Variants in PLPPR5 observed in about 807,000 individuals in gnomAD.
PLPPR5 encodes the protein phospholipid phosphatase related 5, also known as phospholipid phosphatase-related protein type 5.
PLPPR5 carries 16 observed loss-of-function variants against 33.9 expected under a neutral mutation model. The observed-to-expected ratio is 0.47, with a 90% CI of 0.32 to 0.72. The LOEUF is 0.72. Ranked by LOEUF, PLPPR5 falls within the 30% of genes least tolerant of loss-of-function variation. PLPPR5 has a pLI of 0.03. For synonymous variants in PLPPR5, 163 were observed against 150.3 expected, an observed-to-expected ratio of 1.08 and a Z score of -0.62; for missense variants, 301 against 406.7, an observed-to-expected ratio of 0.74 and a Z score of 2.23.
chr1:98,978,722 C>T (rs1250095800), intron 1 of PLPPR5, among the ~76,000 whole-genome samples: 2 of 151,976 alleles, frequency 1.3e-5, no homozygotes, highest in African/African-American at 4.8e-5. Flanking sequence ...ATTAAATCAG[C>T]TCCCCCCACC....
chr1:98,923,768 G>C (rs888583599), intron 3 of PLPPR5, among the ~76,000 whole-genome samples: 1 of 152,130 alleles, frequency 6.6e-6, no homozygotes, highest in African/African-American at 2.4e-5. Flanking sequence ...AGTTATGGAG[G>C]GTAAGTATAC....
chr1:98,992,025 G>A (rs1361739647), intron 1 of PLPPR5, among the ~76,000 whole-genome samples: 1 of 152,130 alleles, frequency 6.6e-6, no homozygotes. Flanking sequence ...TTTATCTTAT[G>A]CAGAATATAT....
chr1:98,979,961 A>G (rs189570590), intron 1 of PLPPR5, among the ~76,000 whole-genome samples: 1 of 152,094 alleles, frequency 6.6e-6, no homozygotes, highest in African/African-American at 2.4e-5. Flanking sequence ...GTGACCCTCT[A>G]TTAGAGCTAT....
At chr1:99,003,588 T>A (rs7538595) in intron 1 of PLPPR5, among the ~76,000 whole-genome samples, 1 of 152,112 alleles carries the variant, frequency 6.6e-6, no homozygotes, top group Non-Finnish European at 1.5e-5. Flanking sequence ...TATAATAAAA[T>A]TAATATTATT....
At chr1:98,959,863 AAC>A (rs984093381) in intron 1 of PLPPR5, among the ~76,000 whole-genome samples, 35 of 152,176 alleles carry the variant, frequency 2.3e-4, no homozygotes, top group Non-Finnish European at 4.6e-4. Flanking sequence ...GTAGTTTTCA[AAC>A]AGAGAGTTGC....
chr1:98,956,205 G>A (rs1228929250), intron 2 of PLPPR5, among the ~76,000 whole-genome samples: 3 of 152,036 alleles, frequency 2.0e-5, no homozygotes, highest in South Asian at 2.1e-4. Context: ...CAGTAATCAC[G>A]TAATTTTTGG....
At chr1:98,896,111 C>A (rs1202793151) in intron 5 of PLPPR5, among the ~76,000 whole-genome samples, 1 of 151,684 alleles carries the variant, frequency 6.6e-6, no homozygotes, top group Non-Finnish European at 1.5e-5. Context: ...ACTTGAGGTC[C>A]TTTTATAAGA....
At chr1:98,969,815 T>C (rs1441863526) in intron 1 of PLPPR5, among the ~76,000 whole-genome samples, 1 of 152,002 alleles carries the variant, frequency 6.6e-6, no homozygotes, top group Non-Finnish European at 1.5e-5. Flanking sequence ...CCAAAGTACA[T>C]GTTTCTGTTG....
intron 1 of PLPPR5, among the ~76,000 whole-genome samples, chr1:98,982,146 ACT>A (rs1652082301): frequency 6.6e-6 from 1 of 152,040 alleles, no homozygotes. Context: ...TCATTTAGAA[ACT>A]CTGCCAGCTA....
chr1:98,917,434 T>C (rs1649398582), intron 4 of PLPPR5, among the ~76,000 whole-genome samples: 1 of 152,220 alleles, frequency 6.6e-6, no homozygotes, highest in Non-Finnish European at 1.5e-5. Flanking sequence ...GTGAGAATGA[T>C]CTTTCCAAAT....
chr1:99,003,981 G>C (rs1388399963), intron 1 of PLPPR5, among the ~76,000 whole-genome samples: 3 of 152,196 alleles, frequency 2.0e-5, no homozygotes, highest in African/African-American at 7.2e-5. Context: ...CGGGAAGTGG[G>C]AGTCCCTTTC....
chr1:98,966,166 T>G (rs1373536161), intron 1 of PLPPR5, among the ~76,000 whole-genome samples: 4 of 152,228 alleles, frequency 2.6e-5, no homozygotes, highest in Non-Finnish European at 5.9e-5. Context: ...TTTTTTGTAT[T>G]TATTTTATGG....
At chr1:98,936,974 A>G (rs1650187538) in intron 3 of PLPPR5, among the ~76,000 whole-genome samples, 3 of 152,230 alleles carry the variant, frequency 2.0e-5, no homozygotes. Flanking sequence ...TGTGACAGCT[A>G]TAGAGAAACA....
intron 1 of PLPPR5, among the ~76,000 whole-genome samples, chr1:98,977,793 G>C (rs1490965882): frequency 2.0e-5 from 3 of 151,566 alleles, no homozygotes; most frequent in South Asian, 2.1e-4. Context: ...CCCAGAGAAG[G>C]CTCTTAAGGA....
chr1:98,917,158 C>T (rs1444678402), intron 4 of PLPPR5, among the ~76,000 whole-genome samples: 1 of 152,076 alleles, frequency 6.6e-6, no homozygotes, highest in Non-Finnish European at 1.5e-5. Flanking sequence ...TCCCCAACAC[C>T]CACCTCCGCC....
At chr1:98,917,893 G>T (rs2101156455) in intron 4 of PLPPR5, among the ~76,000 whole-genome samples, 1 of 152,270 alleles carries the variant, frequency 6.6e-6, no homozygotes, top group South Asian at 2.1e-4. Flanking sequence ...TGAGGGATCA[G>T]ATTAATGAAT....
chr1:98,982,319 T>C (rs1439008228), intron 1 of PLPPR5, among the ~76,000 whole-genome samples: 1 of 152,088 alleles, frequency 6.6e-6, no homozygotes, highest in Non-Finnish European at 1.5e-5. Context: ...CAAACCAAAA[T>C]GGAGTCACTC....
At chr1:98,926,446 TAGTG>T (rs1284402925) in intron 3 of PLPPR5, among the ~76,000 whole-genome samples, 1 of 127,998 alleles carries the variant, frequency 7.8e-6, no homozygotes, top group Non-Finnish European at 1.6e-5. Context: ...TAGGTTTGAT[TAGTG>T]TGTGTGTGTG....
At chr1:98,936,943 T>C (rs1196189928) in intron 3 of PLPPR5, among the ~76,000 whole-genome samples, 7 of 152,196 alleles carry the variant, frequency 4.6e-5, no homozygotes, top group African/African-American at 1.7e-4. Context: ...GTCTGGGTTG[T>C]ATTTATGCCC....
Sources: gnomAD v4.1 joint callset for allele counts (sites outside exome capture counted in the v4.1 genomes callset) on GRCh38, gnomAD v4.1.1 for gene constraint, MANE v1.5 for transcripts, NCBI Gene and HGNC (gene_info 2026-07-23, HGNC 2026-07-21) for gene names.